SERPINA11: variants seen among roughly 807,000 people sequenced by gnomAD.
SERPINA11 encodes the protein serpin A11.
SERPINA11 carries 28 observed loss-of-function variants against 29.4 expected under a neutral mutation model. The ratio of observed to expected loss-of-function variants is 0.95; its 90% CI spans 0.70 to 1.30. The LOEUF is 1.30. Ranked by LOEUF, SERPINA11 falls within the 50% of genes most tolerant of loss-of-function variation. SERPINA11 has a pLI of 0.00. For synonymous variants in SERPINA11, 253 were observed against 206.6 expected (o/e 1.22, Z -1.92); for missense variants, 530 against 507.3 (o/e 1.04, Z -0.43).
intron 1 of SERPINA11, among the ~76,000 whole-genome samples, chr14:94,451,832 T>C (rs976409022): frequency 1.1e-4 from 16 of 152,244 alleles, no homozygotes; most frequent in African/African-American, 3.6e-4. Flanking sequence ...GCAGTTTTTT[T>C]CCCTTTCTAT....
rs79326651 is a variant in SERPINA11 at position 94,449,459 on chromosome 14, T to G, written c.-3-682A>C. 6.4e-3 allele frequency among the ~76,000 whole-genome samples: 622 copies of G among 97,300 alleles called. 24 individuals are homozygous for G. The highest frequency in any genetic ancestry group is 0.024 in the East Asian group (105 of 4,312). The allele number at this position is 97,300 out of a possible 152,430, so 63.8% of individuals were successfully genotyped here. ...TTTCTTTCTTTCTTTCTTTCTTTCT[T>G]TCTTTCTTTCTTTCTTTCTTTCTGT... On this transcript the variant is annotated intron_variant, in intron 1 of 4. Coordinates refer to ENST00000334708, the MANE Select transcript of SERPINA11 (RefSeq NM_001080451.2).
At chr14:94,447,791 C>T (rs1174841915) in intron 2 of SERPINA11, among the ~76,000 whole-genome samples, 7 of 152,200 alleles carry the variant, frequency 4.6e-5, no homozygotes, top group African/African-American at 9.7e-5. Flanking sequence ...CCTCTTTGCC[C>T]CACCTCTCCC....
chr14:94,443,061 C>A lies in SERPINA11; in HGVS notation c.1065+17G>T. The A allele has an allele frequency of 6.2e-7, 1 of 1,600,190 alleles. No homozygotes were observed. Among genetic ancestry groups the A allele is most frequent in the Non-Finnish European group, 8.5e-7 (1 of 1,174,848 alleles). Reference sequence around the variant, plus strand: ...CTACCCCCACCTGCCCACAAACATCCATGTTCACCACTTTACCTTGGAGAT... The same window carrying A: ...CTACCCCCACCTGCCCACAAACATCAATGTTCACCACTTTACCTTGGAGAT... On this transcript the variant is annotated intron_variant, in intron 4 of 4. Transcript: ENST00000334708.
At chr14:94,444,784 G>A (rs941992313) in intron 3 of SERPINA11, among the ~76,000 whole-genome samples, 2 of 152,202 alleles carry the variant, frequency 1.3e-5, no homozygotes, top group African/African-American at 2.4e-5. Context: ...GGGGTGGCTA[G>A]TGCCTCCCAG....
At chr14:94,444,399 C>G (rs1290794767) in intron 3 of SERPINA11, among the ~76,000 whole-genome samples, 2 of 152,120 alleles carry the variant, frequency 1.3e-5, no homozygotes, top group East Asian at 3.9e-4. Context: ...CTCTCTGGCA[C>G]AAGGAATATC....
rs1595655512 is a variant in SERPINA11, at chr14:94,449,467, TTCTTTCTTTCTTTCTGTCTG to T, written c.-3-710_-3-691del. Among the ~76,000 whole-genome samples, 18 of 88,184 alleles carry T rather than the reference TTCTTTCTTTCTTTCTGTCTG, an allele frequency of 2.0e-4. No individual in the cohort carries two copies. The East Asian group carries it at 3.2e-3, about 16-fold the overall frequency. The allele number at this position is 88,184 out of a possible 152,430, so 57.9% of individuals were successfully genotyped here. On this transcript the variant is annotated intron_variant, in intron 1 of 4. Coordinates refer to ENST00000334708, the MANE Select transcript of SERPINA11 (RefSeq NM_001080451.2). ...TTTCTTTCTTTCTTTCTTTCTTTCT[TTCTTTCTTTCTTTCTGTCTG>T]TCTGTCTTTCTTTCTCTTTCTTTTT...
intron 1 of SERPINA11, among the ~76,000 whole-genome samples, chr14:94,449,476 TCTTTCTG>T (rs1898538987): frequency 1.7e-5 from 2 of 115,510 alleles, no homozygotes; most frequent in Admixed American, 8.9e-5. Context: ...TTTCTTTCTT[TCTTTCTG>T]TCTGTCTGTC....
In SERPINA11 at chr14:94,448,319, G is replaced by T; in HGVS notation, c.456C>A (p.His152Gln). 1 of 1,614,250 alleles carries T rather than the reference G, an allele frequency of 6.2e-7. No individual in the cohort carries two copies. Among genetic ancestry groups the T allele is most frequent in the Non-Finnish European group, 8.5e-7 (1 of 1,180,048 alleles). ...FLDKRLKPRQ[H>Q]YLDSIKELYG... ...AAAGCTCCTTGATGCTGTCCAAATA[G>T]TGCTGCCGAGGCTTTAGTCGCTTGT... Residue 152 changes from histidine (H) to glutamine (Q), a missense_variant, in exon 2 of 5, where the codon CAC (histidine) becomes CAA (glutamine). Transcript: ENST00000334708.
chr14:94,452,118 C>G (rs965282719), intron 1 of SERPINA11, among the ~76,000 whole-genome samples: 1 of 152,180 alleles, frequency 6.6e-6, no homozygotes, highest in Non-Finnish European at 1.5e-5. Flanking sequence ...CTCCCGAAAG[C>G]TCTTGAAGCA....
At chr14:94,445,729 C>T (rs1898422843) in intron 3 of SERPINA11, among the ~76,000 whole-genome samples, 1 of 143,998 alleles carries the variant, frequency 6.9e-6, no homozygotes, top group African/African-American at 2.4e-5. Context: ...TCAACATGTC[C>T]AGCTATATAT....
At chr14:94,445,675 C>T (rs1047046817) in intron 3 of SERPINA11, among the ~76,000 whole-genome samples, 1 of 152,116 alleles carries the variant, frequency 6.6e-6, no homozygotes, top group Non-Finnish European at 1.5e-5. Flanking sequence ...CTCAGGTGAT[C>T]CTCTTTCCTC....
chr14:94,442,606 T>C lies in SERPINA11; in HGVS notation c.1269A>G (p.Ter423=). The part of the protein sequence containing the change: ...LGKVVNPVAG[*] ...GATAACTCCTGGCCTCCCACCATGG[T>C]TACCCTGCAACTGGGTTGACAACTT... Residue 423 remains the stop codon, a stop_retained_variant, in exon 5 of 5, where the codon TAA becomes TAG. Transcript: ENST00000334708. 6.2e-7 allele frequency: 1 copy of C among 1,604,224 alleles called. No individual in the cohort carries two copies. The highest frequency in any genetic ancestry group is 1.1e-5 in the South Asian group (1 of 89,524).
chr14:94,442,980 A>G (rs1898371557), intron 4 of SERPINA11, 98 bp downstream of exon 4: 1 of 1,438,742 alleles, frequency 7.0e-7, no homozygotes. Flanking sequence ...GCACAGGACA[A>G]AGAACAAGGA....
In SERPINA11 at chr14:94,448,207, C is replaced by A; in HGVS notation, c.568G>T (p.Gly190Trp). Residue 190 changes from glycine (G) to tryptophan (W), a missense_variant, in exon 2 of 5, where the codon GGG (glycine) becomes TGG (tryptophan). Gly to Trp is a radical substitution (Grantham distance 184). Coordinates refer to ENST00000334708, the MANE Select transcript of SERPINA11 (RefSeq NM_001080451.2). ...TCCGGGAGGCAGTCCACGACTTGCC[C>A]GTATGTTTGCCTTCTCAAATAGTCA... ...INDYLRRQTYGQVVDCLPEFS... is the reference protein window; with the variant it reads ...INDYLRRQTYWQVVDCLPEFS... 1 of 1,614,158 alleles carries A rather than the reference C, an allele frequency of 6.2e-7. No individual in the cohort carries two copies. Among genetic ancestry groups the A allele is most frequent in the Non-Finnish European group, 8.5e-7 (1 of 1,180,022 alleles).
At chr14:94,450,975 G>A (rs1213336143) in intron 1 of SERPINA11, among the ~76,000 whole-genome samples, 1 of 152,126 alleles carries the variant, frequency 6.6e-6, no homozygotes, top group East Asian at 1.9e-4. Context: ...AGTAAGGAAG[G>A]CAGCCTTCTC....
chr14:94,443,048 G>T (rs775533736), intron 4 of SERPINA11, 30 bp downstream of exon 4: 20 of 1,590,458 alleles, frequency 1.3e-5, no homozygotes, highest in Non-Finnish European at 1.7e-5. Flanking sequence ...ACCCCCACCT[G>T]CCCACAAACA....
Position 94,448,247 on chromosome 14 carries a change from A to C in SERPINA11, c.528T>G (p.Thr176=). 6.2e-7 allele frequency: 1 copy of C among 1,614,258 alleles called. No homozygotes were observed. Among genetic ancestry groups the C allele is most frequent in the Non-Finnish European group, 8.5e-7 (1 of 1,180,046 alleles). The change falls in exon 2 of 5, where the codon ACT becomes ACG. Residue 176 remains threonine (T), a synonymous_variant. Transcript: ENST00000334708. ...TCAAATAGTCATTAATCTGCCTCCC[A>C]GTTGTAACAGAATCTGTGAAGTTGG... ...FSANFTDSVT[T]GRQINDYLRR...
At chr14:94,443,703 A>G (rs1485222634) in intron 3 of SERPINA11, among the ~76,000 whole-genome samples, 3 of 152,088 alleles carry the variant, frequency 2.0e-5, no homozygotes, top group Non-Finnish European at 2.9e-5. Flanking sequence ...TCTCTCACCC[A>G]TCTCCACTTC....
At position 94,448,270 on chromosome 14, in the gene SERPINA11, T is replaced by C; in HGVS notation, c.505A>G (p.Asn169Asp). 5.6e-6 allele frequency: 9 copies of C among 1,614,236 alleles called. No individual in the cohort carries two copies. The highest frequency in any genetic ancestry group is 7.6e-6 in the Non-Finnish European group (9 of 1,180,046). ...CCAGTTGTAACAGAATCTGTGAAGTTGGCAGAAAAAGCAAAAGCTCCATAA... is the reference window on the plus strand; with the variant it reads ...CCAGTTGTAACAGAATCTGTGAAGTCGGCAGAAAAAGCAAAAGCTCCATAA... ...ELYGAFAFSA[N>D]FTDSVTTGRQ... The change falls in exon 2 of 5, where the codon AAC (asparagine) becomes GAC (aspartate). Residue 169 changes from asparagine to aspartate, a missense_variant. Transcript: ENST00000334708.
Sources: allele counts gnomAD v4.1 joint callset (sites outside exome capture counted in the v4.1 genomes callset), GRCh38; gene constraint gnomAD v4.1.1; transcripts MANE v1.5; gene names NCBI Gene and HGNC (gene_info 2026-07-23, HGNC 2026-07-21).